MGAT4C: variants seen among roughly 807,000 people sequenced by gnomAD.
The protein encoded by MGAT4C is MGAT4 family member C.
Under a neutral mutation model 40.1 loss-of-function variants are expected in MGAT4C, and 19 were observed. The ratio of observed to expected loss-of-function variants is 0.47; its 90% confidence interval spans 0.33 to 0.70. MGAT4C has a LOEUF of 0.70. Among genes scored for constraint, MGAT4C ranks in the 30% least tolerant of loss-of-function variants. The pLI is 0.02. For missense variants in MGAT4C, 491 were observed against 563.2 expected (o/e 0.87, Z 1.30); for synonymous variants, 181 against 187.1 (o/e 0.97, Z 0.27).
intron 3 of MGAT4C, among the ~76,000 whole-genome samples, chr12:86,342,902 G>T (rs760868355): frequency 1.3e-5 from 2 of 152,034 alleles, no homozygotes; most frequent in Non-Finnish European, 2.9e-5. Context: ...AAGAAAGATC[G>T]CTGCAAACAG....
At chr12:86,020,144 C>T (rs1393026356) in intron 2 of MGAT4C, among the ~76,000 whole-genome samples, 1 of 152,152 alleles carries the variant, frequency 6.6e-6, no homozygotes, top group Non-Finnish European at 1.5e-5. Flanking sequence ...CAAACAGGGA[C>T]AATTTGACTT....
intron 1 of MGAT4C, among the ~76,000 whole-genome samples, chr12:86,222,799 T>A (rs937721339): frequency 2.6e-5 from 4 of 152,126 alleles, no homozygotes; most frequent in African/African-American, 9.7e-5. Context: ...GTAGAGAAGG[T>A]TAATGTCAAG....
intron 2 of MGAT4C, among the ~76,000 whole-genome samples, chr12:86,521,754 T>C (rs1958798527): frequency 6.6e-6 from 1 of 152,152 alleles, no homozygotes; most frequent in Non-Finnish European, 1.5e-5. Context: ...GTTTTCCCAT[T>C]TGGTTGTCAT....
intron 1 of MGAT4C, among the ~76,000 whole-genome samples, chr12:86,785,369 A>G (rs1593205185): frequency 1.3e-5 from 2 of 152,186 alleles, no homozygotes; most frequent in East Asian, 1.9e-4. Context: ...AACATGAAAA[A>G]TATTAACACA....
chr12:86,461,220 A>G (rs928287180), intron 2 of MGAT4C, among the ~76,000 whole-genome samples: 1 of 151,746 alleles, frequency 6.6e-6, no homozygotes, highest in African/African-American at 2.4e-5. Context: ...AATTTTTAAC[A>G]AAATTTACAC....
intron 3 of MGAT4C, among the ~76,000 whole-genome samples, chr12:86,364,179 A>G (rs970082477): frequency 6.6e-6 from 1 of 151,980 alleles, no homozygotes; most frequent in African/African-American, 2.4e-5. Context: ...CCAGAAAATT[A>G]AAAAAAAGAA....
chr12:86,529,781 G>T (rs572349178), intron 2 of MGAT4C, among the ~76,000 whole-genome samples: 2 of 151,626 alleles, frequency 1.3e-5, no homozygotes, highest in Non-Finnish European at 2.9e-5. Flanking sequence ...ATTTTCCTTA[G>T]AATATATATG....
rs1883621844 is a variant in MGAT4C, at chr12:85,971,479, T to C, written c.*7810A>G. 6.6e-6 allele frequency: 1 copy of C among 151,310 alleles called. No individual in the cohort carries two copies. Among genetic ancestry groups the C allele is most frequent in the Non-Finnish European group, 1.5e-5 (1 of 67,392 alleles). The allele number at this position is 151,310 out of a possible 1,614,324, so 9.4% of individuals were successfully genotyped here. On this transcript the variant is annotated 3_prime_UTR_variant, in exon 5 of 5. Coordinates refer to ENST00000611864, the MANE Select transcript of MGAT4C (RefSeq NM_001351288.2). ...ATGACTCATCATTGCCCAAATCAAT[T>C]GCCCAAATCAATTCAAACATCTCAT...
intron 3 of MGAT4C, among the ~76,000 whole-genome samples, chr12:86,408,469 CTCTCTCTCTCTA>C (rs1382440363): frequency 2.7e-5 from 3 of 109,382 alleles, no homozygotes; most frequent in East Asian, 5.6e-4. Context: ...CTCTCTCTCT[CTCTCTCTCTCTA>C]TATATATATA....
intron 2 of MGAT4C, among the ~76,000 whole-genome samples, chr12:86,594,599 C>T (rs951080532): frequency 1.4e-4 from 22 of 152,090 alleles, no homozygotes; most frequent in South Asian, 4.1e-4. Context: ...ATTTTGCTAC[C>T]GTTCAAGGAG....
intron 3 of MGAT4C, among the ~76,000 whole-genome samples, chr12:86,346,936 T>C (rs1040273868): frequency 6.6e-6 from 1 of 152,212 alleles, no homozygotes; most frequent in Admixed American, 6.6e-5. Flanking sequence ...TACTGGATGC[T>C]TCCTGCCCTT....
Position 86,394,997 on chromosome 12 carries a change from C to T in MGAT4C, c.-120+40160G>A, listed in dbSNP as rs189010873. Among the ~76,000 whole-genome samples, 143 of 152,024 alleles carry T rather than the reference C, an allele frequency of 9.4e-4. 1 individual carries two copies. Among genetic ancestry groups the T allele is most frequent in the African/African-American group, 3.3e-3 (136 of 41,472 alleles). On this transcript the variant is annotated intron_variant, in intron 3 of 7. Transcript: ENST00000548651. ...TTTCAGAAGTACATTTATGAGTCCCCTTTCTCACTTTTGTTCATATCTTCT... is the reference window on the plus strand; with the variant it reads ...TTTCAGAAGTACATTTATGAGTCCCTTTTCTCACTTTTGTTCATATCTTCT...
At chr12:86,768,466 C>T (rs1434163181) in intron 1 of MGAT4C, among the ~76,000 whole-genome samples, 1 of 151,928 alleles carries the variant, frequency 6.6e-6, no homozygotes. Context: ...AGATTCAATG[C>T]CATCCCCATC....
intron 2 of MGAT4C, among the ~76,000 whole-genome samples, chr12:86,556,595 G>T (rs1004037195): frequency 6.6e-6 from 1 of 151,944 alleles, no homozygotes; most frequent in Non-Finnish European, 1.5e-5. Flanking sequence ...CCAAAATGAG[G>T]CTTACATATC....
chr12:86,570,918 A>G (rs1300211790), intron 2 of MGAT4C, among the ~76,000 whole-genome samples: 1 of 152,028 alleles, frequency 6.6e-6, no homozygotes, highest in Non-Finnish European at 1.5e-5. Flanking sequence ...GGTTTAAGCG[A>G]TTCTCATGCC....
intron 1 of MGAT4C, among the ~76,000 whole-genome samples, chr12:86,059,660 C>G (rs1893743631): frequency 6.6e-6 from 1 of 152,146 alleles, no homozygotes; most frequent in Non-Finnish European, 1.5e-5. Flanking sequence ...TTGACAGAGG[C>G]TACATAGGTT....
intron 3 of MGAT4C, among the ~76,000 whole-genome samples, chr12:86,336,120 G>C (rs1318416286): frequency 6.6e-6 from 1 of 152,152 alleles, no homozygotes; most frequent in Non-Finnish European, 1.5e-5. Flanking sequence ...TATGTAAATA[G>C]TTGCTATCCT....
At chr12:86,656,257 A>G (rs545243944) in intron 2 of MGAT4C, among the ~76,000 whole-genome samples, 1 of 152,176 alleles carries the variant, frequency 6.6e-6, no homozygotes, top group Admixed American at 6.6e-5. Flanking sequence ...ATATGTATAT[A>G]TACTTTTGGA....
intron 1 of MGAT4C, among the ~76,000 whole-genome samples, chr12:86,138,494 T>TAG (rs1566037250): frequency 8.1e-5 from 12 of 147,794 alleles, no homozygotes; most frequent in Non-Finnish European, 1.6e-4. Context: ...TATATTTCCA[T>TAG]ATATATATCA....
Sources: gnomAD v4.1 joint callset for allele counts (sites outside exome capture counted in the v4.1 genomes callset) on GRCh38, gnomAD v4.1.1 for gene constraint, MANE v1.5 for transcripts, NCBI Gene and HGNC (gene_info 2026-07-23, HGNC 2026-07-21) for gene names.